Variants in CAPN7 observed in about 807,000 individuals in gnomAD.
The protein encoded by CAPN7 is calpain-7.
A neutral mutation model predicts 115.2 loss-of-function variants in CAPN7; 72 were observed. That is an observed-to-expected ratio of 0.63 (90% CI 0.52 to 0.76). The LOEUF is 0.76. CAPN7 is among the 30% of genes least tolerant of loss of function. The pLI is 0.00. For missense variants in CAPN7, 905 were observed against 971.5 expected, an observed-to-expected ratio of 0.93 and a Z score of 0.91; for synonymous variants, 344 against 322.3, an observed-to-expected ratio of 1.07 and a Z score of -0.72.
At chr3:15,243,282 A>G (rs1695460775) in intron 16 of CAPN7, among the ~76,000 whole-genome samples, 1 of 152,318 alleles carries the variant, frequency 6.6e-6, no homozygotes, top group Middle Eastern at 3.4e-3. Context: ...GTCAGATCAC[A>G]TGAGGTTCTG....
chr3:15,225,506 A>G (rs923438203), intron 6 of CAPN7, among the ~76,000 whole-genome samples: 1 of 152,224 alleles, frequency 6.6e-6, no homozygotes, highest in African/African-American at 2.4e-5. Flanking sequence ...ATATAGCCAT[A>G]AACAATCAAG....
chr3:15,244,259 G>C (rs576415965), intron 16 of CAPN7, among the ~76,000 whole-genome samples: 1 of 152,280 alleles, frequency 6.6e-6, no homozygotes, highest in East Asian at 1.9e-4. Flanking sequence ...CCTGCGTTCT[G>C]GAATGGGCAT....
At chr3:15,209,592 A>G (rs991385671) in intron 1 of CAPN7, among the ~76,000 whole-genome samples, 3 of 152,238 alleles carry the variant, frequency 2.0e-5, no homozygotes, top group Admixed American at 6.5e-5. Flanking sequence ...TCATTCTATT[A>G]TAATCTGCTT....
intron 1 of CAPN7, among the ~76,000 whole-genome samples, chr3:15,210,615 G>T (rs62242069): frequency 4.9e-5 from 3 of 61,058 alleles, no homozygotes; most frequent in East Asian, 6.9e-4. Flanking sequence ...TTTTTTTTTG[G>T]ACAGTATCTT....
intron 10 of CAPN7, 78 bp from the exon 11 acceptor site, chr3:15,233,789 G>C (rs1002785910): frequency 1.6e-5 from 12 of 757,512 alleles, no homozygotes; most frequent in African/African-American, 7.2e-5. Flanking sequence ...TGCCAAATCA[G>C]TGAGATGTAA....
At chr3:15,210,056 A>T (rs2044844298) in intron 1 of CAPN7, among the ~76,000 whole-genome samples, 1 of 152,174 alleles carries the variant, frequency 6.6e-6, no homozygotes, top group African/African-American at 2.4e-5. Context: ...GCTGGCGGGC[A>T]GTGGTGAGAT....
At chr3:15,248,352 C>T (rs1015311734) in intron 19 of CAPN7, among the ~76,000 whole-genome samples, 1 of 152,132 alleles carries the variant, frequency 6.6e-6, no homozygotes. Context: ...AAATAAATTA[C>T]AGCTACACAC....
intron 1 of CAPN7, among the ~76,000 whole-genome samples, chr3:15,209,855 C>G (rs918094218): frequency 6.6e-6 from 1 of 152,108 alleles, no homozygotes; most frequent in South Asian, 2.1e-4. Flanking sequence ...AGTGGTTGTA[C>G]TTCTAGAAAT....
chr3:15,242,093 AGCAT>A (rs1695383115), intron 15 of CAPN7, 81 bp from the exon 16 acceptor site: 10 of 835,070 alleles, frequency 1.2e-5, no homozygotes, highest in African/African-American at 1.7e-5. Context: ...AGAGATTTAG[AGCAT>A]TTTTTTGGAG....
At chr3:15,243,016 A>G (rs913842293) in intron 16 of CAPN7, among the ~76,000 whole-genome samples, 2 of 152,226 alleles carry the variant, frequency 1.3e-5, no homozygotes, top group Non-Finnish European at 2.9e-5. Flanking sequence ...ACGTGTAAAA[A>G]AAAGGGTTAT....
chr3:15,208,753 A>G (rs965227772), intron 1 of CAPN7, among the ~76,000 whole-genome samples: 9 of 152,210 alleles, frequency 5.9e-5, no homozygotes, highest in African/African-American at 2.2e-4. Flanking sequence ...CGGGGACAGA[A>G]TTGATAAATC....
chr3:15,223,587 A>G, intron 6 of CAPN7, 26 bp downstream of exon 6: 1 of 1,333,218 alleles, frequency 7.5e-7, no homozygotes. Flanking sequence ...TGCAATTTTT[A>G]ACTCCAATAT....
intron 16 of CAPN7, among the ~76,000 whole-genome samples, chr3:15,242,774 C>A (rs1695427042): frequency 6.6e-6 from 1 of 152,168 alleles, no homozygotes; most frequent in Admixed American, 6.5e-5. Flanking sequence ...GCTTAATGCA[C>A]ATAGTTAAGG....
intron 12 of CAPN7, among the ~76,000 whole-genome samples, chr3:15,238,288 A>G (rs1287363534): frequency 6.6e-6 from 1 of 150,838 alleles, no homozygotes; most frequent in Non-Finnish European, 1.5e-5. Flanking sequence ...CCAATTTTTT[A>G]TATTTTTAGT....
intron 19 of CAPN7, among the ~76,000 whole-genome samples, chr3:15,248,623 C>A (rs1486657910): frequency 1.3e-5 from 2 of 152,134 alleles, no homozygotes; most frequent in Non-Finnish European, 2.9e-5. Flanking sequence ...GGTGTTTATT[C>A]ACTTTGCAAA....
At chr3:15,213,455 C>T (rs1232136809) in intron 2 of CAPN7, among the ~76,000 whole-genome samples, 1 of 152,224 alleles carries the variant, frequency 6.6e-6, no homozygotes, top group Non-Finnish European at 1.5e-5. Context: ...ATCATGGAAA[C>T]CCCTTTCTGA....
intron 4 of CAPN7, among the ~76,000 whole-genome samples, chr3:15,220,211 T>C (rs1371080205): frequency 6.6e-6 from 1 of 151,682 alleles, no homozygotes; most frequent in South Asian, 2.1e-4. Flanking sequence ...AAAAAAAAAA[T>C]AAAAAATTTA....
intron 2 of CAPN7, among the ~76,000 whole-genome samples, chr3:15,215,035 G>A (rs2045169283): frequency 6.6e-6 from 1 of 152,196 alleles, no homozygotes; most frequent in Admixed American, 6.5e-5. Context: ...GAAACACTGG[G>A]CTAGATATTT....
intron 15 of CAPN7, 146 bp from the exon 16 acceptor site, chr3:15,242,032 T>G (rs767314666): frequency 1.6e-6 from 1 of 631,910 alleles, no homozygotes; most frequent in African/African-American, 1.9e-5. Context: ...ATGTTTCTTA[T>G]AGCACTAAAT....
Sources: gnomAD v4.1 joint callset for allele counts (sites outside exome capture counted in the v4.1 genomes callset) on GRCh38, gnomAD v4.1.1 for gene constraint, MANE v1.5 for transcripts, NCBI Gene and HGNC (gene_info 2026-07-23, HGNC 2026-07-21) for gene names.